The following CERK variants were observed in gnomAD, a reference collection of about 807,000 sequenced individuals.
CERK encodes acylsphingosine kinase.
A neutral mutation model predicts 63.4 loss-of-function variants in CERK; 39 were observed. That is an observed-to-expected ratio of 0.61 (90% CI 0.48 to 0.80). CERK has a LOEUF of 0.80. Among genes scored for constraint, CERK ranks in the 30% least tolerant of loss-of-function variants. The pLI is 0.00. For missense variants in CERK, 670 were observed against 714.1 expected, an observed-to-expected ratio of 0.94 and a Z score of 0.70; for synonymous variants, 302 against 280.0, an observed-to-expected ratio of 1.08 and a Z score of -0.78.
intron 1 of CERK, among the ~76,000 whole-genome samples, chr22:46,726,256 G>C (rs6007963): frequency 0.016 from 2,498 of 152,370 alleles, 56 homozygotes; most frequent in African/African-American, 0.056. Flanking sequence ...CGAGTTCCCA[G>C]CTAAGAGCAC....
intron 8 of CERK, among the ~76,000 whole-genome samples, chr22:46,696,494 C>T (rs778652422): frequency 1.4e-4 from 22 of 152,198 alleles, no homozygotes; most frequent in Non-Finnish European, 2.4e-4. Flanking sequence ...ATCACCCAGA[C>T]GCAGCCTCCA....
At chr22:46,692,681 G>A (rs900673144) in intron 10 of CERK, among the ~76,000 whole-genome samples, 1 of 151,860 alleles carries the variant, frequency 6.6e-6, no homozygotes, top group Non-Finnish European at 1.5e-5. Flanking sequence ...GAGGCAGTCA[G>A]ATCACCTGAG....
intron 7 of CERK, among the ~76,000 whole-genome samples, chr22:46,700,980 C>T (rs2082780609): frequency 6.6e-6 from 1 of 151,390 alleles, no homozygotes; most frequent in Admixed American, 6.6e-5. Flanking sequence ...CACTGCACTC[C>T]AGCCTGGGGA....
chr22:46,733,798 T>C (rs1255044980), intron 1 of CERK, among the ~76,000 whole-genome samples: 1 of 151,620 alleles, frequency 6.6e-6, no homozygotes, highest in African/African-American at 2.4e-5. Flanking sequence ...TCCCAACACT[T>C]TGGGAGGCCG....
At chr22:46,702,446 C>T (rs912207497) in intron 6 of CERK, among the ~76,000 whole-genome samples, 2 of 152,060 alleles carry the variant, frequency 1.3e-5, no homozygotes, top group African/African-American at 4.8e-5. Flanking sequence ...CACGCGCCAC[C>T]ACGCCCTGGC....
chr22:46,711,071 A>T lies in CERK; in HGVS notation c.569+15T>A. 1 of 1,605,848 alleles carries T rather than the reference A, an allele frequency of 6.2e-7. No homozygotes were observed. Among genetic ancestry groups the T allele is most frequent in the Non-Finnish European group, 8.5e-7 (1 of 1,172,922 alleles). On this transcript the variant is annotated intron_variant, in intron 5 of 12. Transcript: ENST00000216264. Reference sequence around the variant, plus strand: ...TAACAATGGACTTGATGGCGATGAAAGACGGCTTACTCACCCGTCGTATTT... The same window carrying T: ...TAACAATGGACTTGATGGCGATGAATGACGGCTTACTCACCCGTCGTATTT...
At chr22:46,702,223 A>ATGTGTGTGTGTGTGTGTGTG (rs34222392) in intron 6 of CERK, among the ~76,000 whole-genome samples, 1 of 84,788 alleles carries the variant, frequency 1.2e-5, no homozygotes, top group Non-Finnish European at 2.3e-5. Flanking sequence ...AAATATATAT[A>ATGTGTGTGTGTGTGTGTGTG]TGTGTGTGTG....
rs1416398838 is a variant in CERK, at chr22:46,700,181, G to A, written c.791-716C>T. On this transcript the variant is annotated intron_variant, in intron 7 of 12. Coordinates refer to ENST00000216264, the MANE Select transcript of CERK (RefSeq NM_022766.6). ...GGCTGAGGTGGGTGGATCACCTGAGGTCAGGAGTTCGAGACCAGCCTGGTC... is the reference window on the plus strand; with the variant it reads ...GGCTGAGGTGGGTGGATCACCTGAGATCAGGAGTTCGAGACCAGCCTGGTC... Among the ~76,000 whole-genome samples, 4 of 151,472 alleles carry A rather than the reference G, an allele frequency of 2.6e-5. No individual in the cohort carries two copies. In the East Asian group the frequency reaches 7.8e-4, roughly 30 times the overall value.
In CERK at chr22:46,707,632, G is replaced by A. The variant is rs59056847; in HGVS notation, c.715+211C>T. ...TGCCTTGCGTGAAGCAGCCTTTGGG[G>A]GAGTCGGGCAACTTTCCTTTCCACG... On this transcript the variant is annotated intron_variant, in intron 6 of 12. Transcript: ENST00000216264. Among the ~76,000 whole-genome samples the A allele has an allele frequency of 6.4e-3, 976 of 152,304 alleles. 10 individuals carry two copies. Among genetic ancestry groups the A allele is most frequent in the African/African-American group, 0.023 (936 of 41,568 alleles).
chr22:46,711,077 C>CT lies in CERK; in HGVS notation c.569+8dup, dbSNP rs1296885555. 6.2e-7 allele frequency: 1 copy of CT among 1,608,338 alleles called. No individual in the cohort carries two copies. Among genetic ancestry groups the CT allele is most frequent in the Non-Finnish European group, 8.5e-7 (1 of 1,175,124 alleles). ...TGGACTTGATGGCGATGAAAGACGG[C>CT]TTACTCACCCGTCGTATTTGTCTAT... On this transcript the variant is annotated intron_variant, in intron 5 of 12. Coordinates refer to ENST00000216264, the MANE Select transcript of CERK (RefSeq NM_022766.6).
chr22:46,724,992 G>A (rs1180656451), intron 1 of CERK, among the ~76,000 whole-genome samples: 3 of 151,934 alleles, frequency 2.0e-5, no homozygotes, highest in Non-Finnish European at 4.4e-5. Context: ...CTGCACTCCA[G>A]CCTGGGCGAA....
chr22:46,693,218 C>G (rs1328649102), intron 10 of CERK, among the ~76,000 whole-genome samples: 1 of 152,170 alleles, frequency 6.6e-6, no homozygotes, highest in East Asian at 1.9e-4. Context: ...CGGGGCCTTT[C>G]ACAAAACCCA....
chr22:46,734,059 C>T (rs1481190350), intron 1 of CERK, among the ~76,000 whole-genome samples: 1 of 105,042 alleles, frequency 9.5e-6, no homozygotes, highest in African/African-American at 3.3e-5. Flanking sequence ...GTTATATATA[C>T]ATACATACAT....
chr22:46,711,700 A>T (rs971083410), intron 4 of CERK, among the ~76,000 whole-genome samples: 1 of 152,144 alleles, frequency 6.6e-6, no homozygotes, highest in Non-Finnish European at 1.5e-5. Context: ...CTATGCTGAG[A>T]ATTGGCTGGA....
At chr22:46,735,563 A>G (rs2082968954) in intron 1 of CERK, 1 of 152,250 alleles carries the variant, frequency 6.6e-6, no homozygotes, top group African/African-American at 2.4e-5. Context: ...AGCAGGGCAC[A>G]CACAGTGGCC....
chr22:46,692,426 T>TAAAAAAAAAAAAA (rs553286743), intron 10 of CERK, among the ~76,000 whole-genome samples: 3 of 93,114 alleles, frequency 3.2e-5, no homozygotes, highest in African/African-American at 1.4e-4. Flanking sequence ...AACTCTGTCT[T>TAAAAAAAAAAAAA]AAAAAAAAAA....
intron 3 of CERK, among the ~76,000 whole-genome samples, chr22:46,713,571 A>G (rs1037941079): frequency 5.9e-5 from 9 of 151,886 alleles, no homozygotes; most frequent in Non-Finnish European, 1.0e-4. Context: ...TCATCACAGC[A>G]TTCTTCACCA....
Position 46,738,173 on chromosome 22 carries a change from G to A in CERK, c.-25C>T. 8.7e-7 allele frequency: 1 copy of A among 1,144,522 alleles called. No individual in the cohort carries two copies. Among genetic ancestry groups the A allele is most frequent in the Non-Finnish European group, 1.1e-6 (1 of 934,454 alleles). The allele number at this position is 1,144,522 out of a possible 1,614,324, so 70.9% of individuals were successfully genotyped here. A position where few individuals can be genotyped will look rare whatever the true frequency, so the allele number is the denominator to read the frequency against. On this transcript the variant is annotated 5_prime_UTR_variant, in exon 1 of 13. Transcript: ENST00000216264. ...TCTCCGCCGCCGGGCTCGTCCGCCA[G>A]GCTGGGGGCGCGCGGACGCCGAGGG...
intron 1 of CERK, among the ~76,000 whole-genome samples, chr22:46,726,645 T>C (rs566167443): frequency 1.3e-5 from 2 of 152,300 alleles, no homozygotes; most frequent in South Asian, 2.1e-4. Flanking sequence ...CTGATCTTCA[T>C]TAAAAATTAA....
Sources: gnomAD v4.1 joint callset for allele counts (sites outside exome capture counted in the v4.1 genomes callset) on GRCh38, gnomAD v4.1.1 for gene constraint, MANE v1.5 for transcripts, NCBI Gene and HGNC (gene_info 2026-07-23, HGNC 2026-07-21) for gene names.